Variants in TMEFF2 observed in about 807,000 individuals in gnomAD.
The protein encoded by TMEFF2 is tomoregulin-2.
TMEFF2 carries 28 observed loss-of-function variants against 53.8 expected under a neutral mutation model. That is an observed-to-expected ratio of 0.52 (90% CI 0.39 to 0.71). The LOEUF (loss-of-function observed/expected upper bound fraction) is 0.71, where lower values mean the gene tolerates loss of function less well. Ranked by LOEUF, TMEFF2 falls within the 30% of genes least tolerant of loss-of-function variation. TMEFF2 has a pLI of 0.00. For synonymous variants in TMEFF2, 162 were observed against 166.3 expected (o/e 0.97, Z 0.20); for missense variants, 353 against 455.2 (o/e 0.78, Z 2.04).
In TMEFF2 at chr2:192,025,630, CATA is replaced by C. The variant is rs1237328472; in HGVS notation, c.537-26425_537-26423del. 2.0e-5 allele frequency among the ~76,000 whole-genome samples: 3 copies of C among 150,560 alleles called. No individual in the cohort carries two copies. The East Asian group carries it at 5.8e-4, about 29-fold the overall frequency. Reference sequence around the variant, plus strand: ...TATGGGAAGAGATCTGTAGATGTGCCATAATAATAAAAAACTCTGTCTGGAAGC... The same window carrying C: ...TATGGGAAGAGATCTGTAGATGTGCCATAATAAAAAACTCTGTCTGGAAGC... On this transcript the variant is annotated intron_variant, in intron 5 of 9. Coordinates refer to ENST00000272771, the MANE Select transcript of TMEFF2 (RefSeq NM_016192.4).
chr2:191,959,052 A>G (rs1352928669), intron 7 of TMEFF2, among the ~76,000 whole-genome samples: 2 of 152,224 alleles, frequency 1.3e-5, no homozygotes, highest in African/African-American at 4.8e-5. Flanking sequence ...TATGTATAGT[A>G]GGTATTAAGC....
At chr2:192,098,277 C>T (rs1002918263) in intron 4 of TMEFF2, among the ~76,000 whole-genome samples, 1 of 152,130 alleles carries the variant, frequency 6.6e-6, no homozygotes, top group African/African-American at 2.4e-5. Context: ...CCTTGACCTC[C>T]CTGTTTGAAA....
intron 4 of TMEFF2, among the ~76,000 whole-genome samples, chr2:192,065,582 T>C (rs36032301): frequency 0.013 from 2,036 of 151,868 alleles, 25 homozygotes; most frequent in Non-Finnish European, 0.02. Flanking sequence ...TTAGTCAATA[T>C]CAATCTAGTG....
At chr2:192,066,146 A>C (rs930812786) in intron 4 of TMEFF2, among the ~76,000 whole-genome samples, 1 of 151,848 alleles carries the variant, frequency 6.6e-6, no homozygotes, top group African/African-American at 2.4e-5. Flanking sequence ...GAGCCATATG[A>C]ATAATAGTTA....
chr2:192,159,348 G>T (rs1690581089), intron 4 of TMEFF2, among the ~76,000 whole-genome samples: 1 of 152,102 alleles, frequency 6.6e-6, no homozygotes. Context: ...CTGTTCCCCA[G>T]GCAGTCTGCT....
intron 4 of TMEFF2, among the ~76,000 whole-genome samples, chr2:192,170,975 A>T (rs1266359974): frequency 2.0e-5 from 3 of 152,106 alleles, no homozygotes; most frequent in Non-Finnish European, 4.4e-5. Flanking sequence ...TGAAAATCAT[A>T]TCCTATAATA....
At chr2:192,181,584 A>G (rs1207924585) in intron 3 of TMEFF2, among the ~76,000 whole-genome samples, 1 of 151,774 alleles carries the variant, frequency 6.6e-6, no homozygotes, top group Non-Finnish European at 1.5e-5. Flanking sequence ...CGATTGGGCT[A>G]TTTTGAGGCT....
At chr2:192,138,590 G>A (rs930223919) in intron 4 of TMEFF2, among the ~76,000 whole-genome samples, 2 of 152,150 alleles carry the variant, frequency 1.3e-5, no homozygotes, top group Non-Finnish European at 2.9e-5. Context: ...GCAATTTCGG[G>A]GAAATCTCAA....
intron 4 of TMEFF2, among the ~76,000 whole-genome samples, chr2:192,117,142 T>C (rs1011309163): frequency 1.3e-5 from 2 of 152,134 alleles, no homozygotes; most frequent in African/African-American, 4.8e-5. Context: ...ACAGAATGTC[T>C]GTAATCAGAT....
At chr2:192,059,347 TTC>T (rs2105905058) in intron 4 of TMEFF2, among the ~76,000 whole-genome samples, 1 of 152,176 alleles carries the variant, frequency 6.6e-6, no homozygotes, top group East Asian at 1.9e-4. Context: ...TATCTTATTA[TTC>T]ACTCTATTAC....
At chr2:192,052,738 G>A (rs555327102) in intron 5 of TMEFF2, among the ~76,000 whole-genome samples, 30 of 152,146 alleles carry the variant, frequency 2.0e-4, no homozygotes, top group Middle Eastern at 3.2e-3. Flanking sequence ...GATATAAAGA[G>A]AAATGATATT....
At chr2:191,975,265 C>CTTTTTTTTTTTTTTT (rs57057771) in intron 7 of TMEFF2, among the ~76,000 whole-genome samples, 1 of 88,368 alleles carries the variant, frequency 1.1e-5, no homozygotes, top group Admixed American at 1.3e-4. Context: ...TCTTTTTCTT[C>CTTTTTTTTTTTTTTT]TTTTTTTTTT....
chr2:192,163,936 C>T (rs1690692308), intron 4 of TMEFF2, among the ~76,000 whole-genome samples: 1 of 152,170 alleles, frequency 6.6e-6, no homozygotes, highest in Admixed American at 6.6e-5. Flanking sequence ...TGAGGATAGA[C>T]ATGGCCCCCA....
intron 5 of TMEFF2, among the ~76,000 whole-genome samples, chr2:192,023,229 A>C (rs1040281856): frequency 2.0e-5 from 3 of 152,168 alleles, no homozygotes; most frequent in Non-Finnish European, 4.4e-5. Context: ...TTGCCCTCTA[A>C]GACATGAATA....
chr2:192,178,488 C>T (rs558839434), intron 4 of TMEFF2: 2 of 148,068 alleles, frequency 1.4e-5, no homozygotes, highest in East Asian at 4.1e-4. Flanking sequence ...ATATTCTATG[C>T]TTGAGTCTTG....
intron 4 of TMEFF2, among the ~76,000 whole-genome samples, chr2:192,101,516 C>T (rs1049207484): frequency 2.0e-5 from 3 of 152,148 alleles, no homozygotes; most frequent in East Asian, 1.9e-4. Context: ...TACTCACTTT[C>T]ATGCCTAATT....
At chr2:191,995,240 A>G (rs1321653605) in intron 7 of TMEFF2, among the ~76,000 whole-genome samples, 1 of 152,006 alleles carries the variant, frequency 6.6e-6, no homozygotes, top group Non-Finnish European at 1.5e-5. Flanking sequence ...ACTTTCTTTC[A>G]AGAAGATCTC....
intron 4 of TMEFF2, among the ~76,000 whole-genome samples, chr2:192,126,022 TTAAAA>T (rs1256472652): frequency 3.9e-5 from 6 of 152,122 alleles, no homozygotes; most frequent in East Asian, 1.9e-4. Context: ...ACCCCAGAAC[TTAAAA>T]TAAAAGTTAA....
intron 1 of TMEFF2, among the ~76,000 whole-genome samples, chr2:192,193,525 G>A (rs1319174173): frequency 6.6e-6 from 1 of 152,160 alleles, no homozygotes; most frequent in Non-Finnish European, 1.5e-5. Flanking sequence ...GTCCAGAAAT[G>A]GAGGAGTCAG....
Sources: gnomAD v4.1 joint callset for allele counts (sites outside exome capture counted in the v4.1 genomes callset) on GRCh38, gnomAD v4.1.1 for gene constraint, MANE v1.5 for transcripts, NCBI Gene and HGNC (gene_info 2026-07-23, HGNC 2026-07-21) for gene names.